ADAMTS2: variants seen among roughly 807,000 people sequenced by gnomAD.
The protein encoded by ADAMTS2 is A disintegrin and metalloproteinase with thrombospondin motifs 2.
In ADAMTS2, 50 loss-of-function variants were observed where a neutral mutation model predicts 123.0. That is an observed-to-expected ratio of 0.41 (90% CI 0.32 to 0.51). ADAMTS2 has a LOEUF of 0.51. Ranked by LOEUF, ADAMTS2 falls within the 20% of genes least tolerant of loss-of-function variation. The pLI, the probability that ADAMTS2 is intolerant of heterozygous loss-of-function variation, is 0.35. For missense variants in ADAMTS2, 1,494 were observed against 1,705.2 expected (o/e 0.88, Z 2.18); for synonymous variants, 678 against 695.4 (o/e 0.98, Z 0.39).
chr5:179,156,961 C>CTTT (rs70997667), intron 6 of ADAMTS2, among the ~76,000 whole-genome samples: 45 of 108,366 alleles, frequency 4.2e-4, no homozygotes, highest in Middle Eastern at 6.1e-3. Context: ...TTCATTTTTT[C>CTTT]TTTTTTTTTT....
At chr5:179,292,410 T>C (rs1276546177) in intron 2 of ADAMTS2, among the ~76,000 whole-genome samples, 2 of 151,954 alleles carry the variant, frequency 1.3e-5, no homozygotes, top group East Asian at 3.9e-4. Flanking sequence ...CAGGAAGAGA[T>C]AGCTCCTGAG....
chr5:179,333,992 ACT>A (rs1300312614), intron 2 of ADAMTS2, among the ~76,000 whole-genome samples: 1 of 151,866 alleles, frequency 6.6e-6, no homozygotes, highest in Non-Finnish European at 1.5e-5. Context: ...AGAGCAGGAG[ACT>A]CTGCAGACAG....
At chr5:179,311,212 C>A (rs1036550979) in intron 2 of ADAMTS2, among the ~76,000 whole-genome samples, 3 of 152,228 alleles carry the variant, frequency 2.0e-5, no homozygotes, top group African/African-American at 7.2e-5. Flanking sequence ...CCATCCCTCT[C>A]CCCCAGGGCC....
rs1762923378 is a variant in ADAMTS2, at chr5:179,129,522, G to C, written c.2457+410C>G. ...CTTTCCTACAACCAGGAGATCTGGG[G>C]TCCCATCCTGCTTAGAGACACAGTC... On this transcript the variant is annotated intron_variant, in intron 16 of 21. Coordinates refer to ENST00000251582, the MANE Select transcript of ADAMTS2 (RefSeq NM_014244.5). This position sits in a 1 kb window ranked among gnomAD's most constrained non-coding sequence, Gnocchi z 4.1. Among the ~76,000 whole-genome samples, 1 of 152,162 alleles carries C rather than the reference G, an allele frequency of 6.6e-6. No individual in the cohort carries two copies. Among genetic ancestry groups the C allele is most frequent in the South Asian group, 2.1e-4 (1 of 4,832 alleles).
In ADAMTS2 at chr5:179,188,206, C is replaced by G. The variant is rs1764219368; in HGVS notation, c.892-7051G>C. 6.6e-6 allele frequency among the ~76,000 whole-genome samples: 1 copy of G among 152,202 alleles called. No homozygotes were observed. ...TTGGGCCACCAGAGGCAGCCTGTGG[C>G]CCACCTGGCAAAACCATGTCCAGGA... On this transcript the variant is annotated intron_variant, in intron 4 of 21. Transcript: ENST00000251582. The surrounding 1 kb of genome is among the most constrained non-coding windows in gnomAD (Gnocchi z 5.1).
chr5:179,148,404 C>T lies in ADAMTS2; in HGVS notation c.1629+3738G>A, dbSNP rs985141432. ...AACAGTCCCCTTTCCTGCAGACAGCCATAGCCAGTGACTGGTCAGGGTTGC... is the reference window on the plus strand; with the variant it reads ...AACAGTCCCCTTTCCTGCAGACAGCTATAGCCAGTGACTGGTCAGGGTTGC... On this transcript the variant is annotated intron_variant, in intron 10 of 21. Coordinates refer to ENST00000251582, the MANE Select transcript of ADAMTS2 (RefSeq NM_014244.5). Among the ~76,000 whole-genome samples, 72 of 152,322 alleles carry T rather than the reference C, an allele frequency of 4.7e-4. 1 individual carries two copies. The highest frequency in any genetic ancestry group is 1.6e-3 in the African/African-American group (66 of 41,564).
At chr5:179,207,368 C>T (rs1257427374) in intron 4 of ADAMTS2, 145 bp downstream of exon 4, 8 of 843,940 alleles carry the variant, frequency 9.5e-6, no homozygotes, top group East Asian at 2.7e-5. Flanking sequence ...CCCAGCAAGC[C>T]TCCCTGAGAC....
intron 3 of ADAMTS2, among the ~76,000 whole-genome samples, chr5:179,233,724 AAAACAAAAAAACAG>A (rs1765464680): frequency 6.6e-6 from 1 of 152,132 alleles, no homozygotes; most frequent in African/African-American, 2.4e-5. Flanking sequence ...AAAACAAACA[AAAACAAAAAAACAG>A]AAACACACAC....
chr5:179,221,974 C>T (rs1334015149), intron 3 of ADAMTS2, among the ~76,000 whole-genome samples: 1 of 152,190 alleles, frequency 6.6e-6, no homozygotes, highest in Admixed American at 6.5e-5. Context: ...CTCAGACCTG[C>T]CTCTCCCACG....
At chr5:179,340,267 G>A (rs543712787) in intron 2 of ADAMTS2, among the ~76,000 whole-genome samples, 49 of 152,314 alleles carry the variant, frequency 3.2e-4, no homozygotes, top group African/African-American at 7.2e-4. Context: ...GAGGATCCCC[G>A]TGCTGCCCTG....
At chr5:179,201,431 G>A (rs1561802198) in intron 4 of ADAMTS2, among the ~76,000 whole-genome samples, 1 of 152,086 alleles carries the variant, frequency 6.6e-6, no homozygotes, top group Non-Finnish European at 1.5e-5. Flanking sequence ...CAACGTAGTA[G>A]ACAATTAACT....
chr5:179,191,411 GC>G (rs1417392178), intron 4 of ADAMTS2, among the ~76,000 whole-genome samples: 2 of 152,194 alleles, frequency 1.3e-5, no homozygotes, highest in Non-Finnish European at 2.9e-5. Context: ...AGGCTGTGTG[GC>G]CCGGCCCATC....
At position 179,260,631 on chromosome 5, in the gene ADAMTS2, C is replaced by A. The variant is rs950220279; in HGVS notation, c.688+12280G>T. 6.6e-5 allele frequency among the ~76,000 whole-genome samples: 10 copies of A among 152,180 alleles called. No individual in the cohort carries two copies. Among genetic ancestry groups the A allele is most frequent in the African/African-American group, 1.9e-4 (8 of 41,438 alleles). ...TGCTCCTCCCTCCTGATGCAGGAGT[C>A]AAAAGGCCTGGCTCCCACTGTTTCT... On this transcript the variant is annotated intron_variant, in intron 3 of 21. Transcript: ENST00000251582. The surrounding 1 kb of genome is among the most constrained non-coding windows in gnomAD (Gnocchi z 4.2).
In ADAMTS2 at chr5:179,130,581, T is replaced by C. The variant is rs980016103; in HGVS notation, c.2291-483A>G. On this transcript the variant is annotated intron_variant, in intron 15 of 21. Transcript: ENST00000251582. This position sits in a 1 kb window ranked among gnomAD's most constrained non-coding sequence, Gnocchi z 4.3. The stretch of plus-strand genomic sequence containing the variant: ...AGAACCCCCACCCCATCAGGGACCA[T>C]GGCCCAGCCGAGGCCCCAGCAGCTC... Among the ~76,000 whole-genome samples the C allele has an allele frequency of 1.3e-5, 2 of 152,110 alleles. No homozygotes were observed. Among genetic ancestry groups the C allele is most frequent in the African/African-American group, 2.4e-5 (1 of 41,426 alleles).
intron 3 of ADAMTS2, among the ~76,000 whole-genome samples, chr5:179,269,949 C>T (rs956910331): frequency 6.6e-6 from 1 of 152,162 alleles, no homozygotes; most frequent in Non-Finnish European, 1.5e-5. Context: ...CTGAGCAGGA[C>T]CCTTCTGCCA....
At position 179,188,499 on chromosome 5, in the gene ADAMTS2, T is replaced by G. The variant is rs572666798; in HGVS notation, c.892-7344A>C. ...CCAGAGCCTGGGCTTATCATGAGAA[T>G]CAACGTTCCCATTGCAGATCTTCTT... On this transcript the variant is annotated intron_variant, in intron 4 of 21. Transcript: ENST00000251582. This position sits in a 1 kb window ranked among gnomAD's most constrained non-coding sequence, Gnocchi z 5.1. Among the ~76,000 whole-genome samples the G allele has an allele frequency of 6.6e-6, 1 of 152,258 alleles. No individual in the cohort carries two copies. Among genetic ancestry groups the G allele is most frequent in the South Asian group, 2.1e-4 (1 of 4,820 alleles).
rs1282500219 is a variant in ADAMTS2, at chr5:179,345,058, C to G, written c.139+132G>C. On this transcript the variant is annotated intron_variant, in intron 1 of 21. Coordinates refer to ENST00000251582, the MANE Select transcript of ADAMTS2 (RefSeq NM_014244.5). The surrounding 1 kb of genome is among the most constrained non-coding windows in gnomAD (Gnocchi z 7.5). ...CCAACCCGGCCCCGAAGTTGGCCAA[C>G]TTGGCCCCGGGCGGGGCGCGCGGAG... is the stretch of plus-strand genomic sequence containing the variant. 1.4e-6 allele frequency: 1 copy of G among 712,714 alleles called. No homozygotes were observed. The highest frequency in any genetic ancestry group is 1.9e-5 in the African/African-American group (1 of 52,108). 44.1% of individuals were successfully genotyped at this position (712,714 alleles called of 1,614,324 possible).
At position 179,345,442 on chromosome 5, in the gene ADAMTS2, G is replaced by GGGCGCGGGGCGGAGGAGGCGA; in HGVS notation, c.-115_-114insTCGCCTCCTCCGCCCCGCGCC. The GGGCGCGGGGCGGAGGAGGCGA allele has an allele frequency of 1.0e-6, 1 of 975,364 alleles. No individual in the cohort carries two copies. Among genetic ancestry groups the GGGCGCGGGGCGGAGGAGGCGA allele is most frequent in the South Asian group, 4.7e-5 (1 of 21,312 alleles). The allele number at this position is 975,364 out of a possible 1,614,324, so 60.4% of individuals were successfully genotyped here. A position where few individuals can be genotyped will look rare whatever the true frequency, so the allele number is the denominator to read the frequency against. On this transcript the variant is annotated 5_prime_UTR_variant, in exon 1 of 22. Coordinates refer to ENST00000251582, the MANE Select transcript of ADAMTS2 (RefSeq NM_014244.5). This position sits in a 1 kb window ranked among gnomAD's most constrained non-coding sequence, Gnocchi z 7.5. Reference sequence around the variant, plus strand: ...AGCCGCCCGCAGCTGCAGCACCGCAGGGCGCGGGGCGGAGGAGGCGAGGCG... The same window carrying GGGCGCGGGGCGGAGGAGGCGA: ...AGCCGCCCGCAGCTGCAGCACCGCAGGGCGCGGGGCGGAGGAGGCGAGGCGCGGGGCGGAGGAGGCGAGGCG...
At chr5:179,281,620 G>C (rs1358806172) in intron 2 of ADAMTS2, among the ~76,000 whole-genome samples, 1 of 152,068 alleles carries the variant, frequency 6.6e-6, no homozygotes, top group Non-Finnish European at 1.5e-5. Flanking sequence ...GTTGGTTTTT[G>C]GCTCCTATGC....
Sources: gnomAD v4.1 joint callset for allele counts (sites outside exome capture counted in the v4.1 genomes callset) on GRCh38, gnomAD v4.1.1 for gene constraint, Gnocchi (gnomAD v3.1) non-coding constraint, MANE v1.5 for transcripts, NCBI Gene and HGNC (gene_info 2026-07-23, HGNC 2026-07-21) for gene names.